Variants in RAB40C observed in about 807,000 individuals in gnomAD.
RAB40C encodes RAB40C, member RAS oncogene family, also known as ras-related protein Rab-40C.
Under a neutral mutation model 28.1 loss-of-function variants are expected in RAB40C, and 8 were observed. That is an observed-to-expected ratio of 0.28 (90% CI 0.17 to 0.51). The LOEUF is 0.51. Among genes scored for constraint, RAB40C ranks in the 20% least tolerant of loss-of-function variants. The pLI is 0.97. For missense variants in RAB40C, 288 were observed against 405.9 expected (o/e 0.71, Z 2.50); for synonymous variants, 201 against 171.7 (o/e 1.17, Z -1.34).
intron 1 of RAB40C, among the ~76,000 whole-genome samples, chr16:601,511 C>T (rs576155605): frequency 1.3e-5 from 2 of 152,256 alleles, no homozygotes; most frequent in East Asian, 3.9e-4. Flanking sequence ...GTCCCCGCCG[C>T]AGCCGCGTCA....
rs548181956 is a variant in RAB40C at position 591,587 on chromosome 16, C to G, written c.142+1154C>G. On this transcript the variant is annotated intron_variant, in intron 1 of 5. Transcript: ENST00000248139. ...CATTTGTTTTGTTTTGTTTTCTTTT[C>G]TTTTCTTTCTTTTTTTTTTTTTTGA... 6.3e-3 allele frequency among the ~76,000 whole-genome samples: 955 copies of G among 151,518 alleles called. 6 individuals carry two copies. Among genetic ancestry groups the G allele is most frequent in the African/African-American group, 0.022 (903 of 41,334 alleles).
chr16:593,978 A>G (rs1186196089), intron 1 of RAB40C, among the ~76,000 whole-genome samples: 1 of 152,110 alleles, frequency 6.6e-6, no homozygotes, highest in Non-Finnish European at 1.5e-5. Context: ...GCAGTTCAGG[A>G]GCGAACCTGC....
At chr16:626,688 A>G (rs1412240164) in intron 5 of RAB40C, among the ~76,000 whole-genome samples, 3 of 152,200 alleles carry the variant, frequency 2.0e-5, no homozygotes, top group Non-Finnish European at 4.4e-5. Flanking sequence ...CTGTAATCCC[A>G]GCACTTTGGG....
At chr16:595,645 C>G (rs1212982108) in intron 1 of RAB40C, among the ~76,000 whole-genome samples, 2 of 151,344 alleles carry the variant, frequency 1.3e-5, no homozygotes, top group African/African-American at 2.4e-5. Context: ...CTCTGTTGCC[C>G]AGGCCGGAGT....
At chr16:608,770 G>A (rs956936653) in intron 1 of RAB40C, among the ~76,000 whole-genome samples, 7 of 152,158 alleles carry the variant, frequency 4.6e-5, no homozygotes, top group Non-Finnish European at 1.0e-4. Flanking sequence ...CTCCTTGGGA[G>A]GCAGAGGCAC....
chr16:597,982 C>G (rs570669169), intron 1 of RAB40C, among the ~76,000 whole-genome samples: 21 of 147,424 alleles, frequency 1.4e-4, no homozygotes, highest in Admixed American at 9.4e-4. Context: ...TGCAGTGGCT[C>G]ACACCTGTAA....
chr16:591,101 C>T (rs1057003109), intron 1 of RAB40C, among the ~76,000 whole-genome samples: 1 of 144,850 alleles, frequency 6.9e-6, no homozygotes, highest in Non-Finnish European at 1.5e-5. Context: ...TGTCATGGGT[C>T]TGGGATCATC....
intron 1 of RAB40C, among the ~76,000 whole-genome samples, chr16:590,989 G>A (rs1567181806): frequency 6.6e-6 from 1 of 151,524 alleles, no homozygotes. Flanking sequence ...CCGGTAGAAG[G>A]CGTCATGGGC....
intron 3 of RAB40C, 177 bp from the exon 4 acceptor site, chr16:625,255 G>T: frequency 1.4e-6 from 2 of 1,451,372 alleles, no homozygotes; most frequent in Non-Finnish European, 9.1e-7. Context: ...GAGGGCAGGG[G>T]TGAGGGGCAG....
In RAB40C at chr16:599,524, G is replaced by A. The variant is rs114022256; in HGVS notation, c.142+9091G>A. ...GCTGCTTCTGTCGATAGGCATGTACGTGAAAATGCACACCCGTGGGTGTTC... is the reference window on the plus strand; with the variant it reads ...GCTGCTTCTGTCGATAGGCATGTACATGAAAATGCACACCCGTGGGTGTTC... On this transcript the variant is annotated intron_variant, in intron 1 of 5. Coordinates refer to ENST00000248139, the MANE Select transcript of RAB40C (RefSeq NM_021168.5). 7.6e-3 allele frequency among the ~76,000 whole-genome samples: 1,160 copies of A among 152,372 alleles called. 11 individuals carry two copies. Among genetic ancestry groups the A allele is most frequent in the African/African-American group, 0.027 (1,109 of 41,582 alleles).
chr16:606,606 C>T (rs756050810), intron 1 of RAB40C, among the ~76,000 whole-genome samples: 3 of 152,238 alleles, frequency 2.0e-5, no homozygotes, highest in African/African-American at 2.4e-5. Context: ...TTCTCTTGCT[C>T]GTTGGGAGGT....
At chr16:601,220 TG>T (rs1353285473) in intron 1 of RAB40C, among the ~76,000 whole-genome samples, 2 of 152,220 alleles carry the variant, frequency 1.3e-5, no homozygotes, top group African/African-American at 2.4e-5. Flanking sequence ...TATGATTTTT[TG>T]TGTGTTATCC....
chr16:625,867 G>A (rs374397085), intron 4 of RAB40C, 32 bp from the exon 5 acceptor site: 60 of 1,580,496 alleles, frequency 3.8e-5, no homozygotes, highest in African/African-American at 3.4e-4. Flanking sequence ...GGCACCCTGC[G>A]TTTGTGCGTC....
Position 609,480 on chromosome 16 carries a change from C to T in RAB40C, c.143-7728C>T, listed in dbSNP as rs369580907. On this transcript the variant is annotated intron_variant, in intron 1 of 5. Coordinates refer to ENST00000248139, the MANE Select transcript of RAB40C (RefSeq NM_021168.5). The stretch of plus-strand genomic sequence containing the variant: ...CAGCCCAAAAGAAGCGGCCACGAGA[C>T]GCCGCCGAGAGCCCCAACTTAGAAG... 1.4e-4 allele frequency among the ~76,000 whole-genome samples: 21 copies of T among 152,014 alleles called. No individual in the cohort carries two copies. In the East Asian group the frequency reaches 1.5e-3, roughly 11 times the overall value.
intron 1 of RAB40C, among the ~76,000 whole-genome samples, chr16:616,410 C>G (rs2036586413): frequency 6.6e-6 from 1 of 151,256 alleles, no homozygotes; most frequent in Non-Finnish European, 1.5e-5. Context: ...ATGATCTCGG[C>G]TCACTGCAAC....
chr16:589,994 G>A (rs1371838001), upstream of RAB40C: 1 of 151,316 alleles, frequency 6.6e-6, no homozygotes, highest in Admixed American at 6.6e-5. Flanking sequence ...CGTGACGGAC[G>A]GGCGGGTGGG....
chr16:618,386 G>A, intron 3 of RAB40C, 126 bp downstream of exon 3: 3 of 995,290 alleles, frequency 3.0e-6, no homozygotes, highest in Non-Finnish European at 4.3e-6. Context: ...TTCTCACATT[G>A]GTTTGTTTAT....
chr16:621,058 G>A (rs1050851510), intron 3 of RAB40C, among the ~76,000 whole-genome samples: 1 of 152,254 alleles, frequency 6.6e-6, no homozygotes, highest in Non-Finnish European at 1.5e-5. Context: ...TCTTTGTTTT[G>A]TCTTGTTAAC....
At chr16:621,005 C>T (rs1367766084) in intron 3 of RAB40C, among the ~76,000 whole-genome samples, 1 of 152,238 alleles carries the variant, frequency 6.6e-6, no homozygotes, top group Non-Finnish European at 1.5e-5. Flanking sequence ...GCTCTGTTAT[C>T]ATCTCCGTGT....
Sources: allele counts gnomAD v4.1 joint callset (sites outside exome capture counted in the v4.1 genomes callset), GRCh38; gene constraint gnomAD v4.1.1; transcripts MANE v1.5; gene names NCBI Gene and HGNC (gene_info 2026-07-23, HGNC 2026-07-21).